Variants in HMCN2 observed in about 807,000 individuals in gnomAD.
The protein encoded by HMCN2 is hemicentin-2.
Under a neutral mutation model 377.5 loss-of-function variants are expected in HMCN2, and 325 were observed. The observed-to-expected ratio is 0.86, with a 90% CI of 0.79 to 0.94. The LOEUF is 0.94. Ranked by LOEUF, HMCN2 falls within the 40% of genes least tolerant of loss-of-function variation. The probability of loss-of-function intolerance (pLI) is 0.00; values close to 1 mark genes in which losing one functional copy is unlikely to be tolerated. For synonymous variants in HMCN2, 2,007 were observed against 2,046.8 expected (o/e 0.98, Z 0.53); for missense variants, 4,543 against 4,725.3 (o/e 0.96, Z 1.13).
intron 51 of HMCN2, among the ~76,000 whole-genome samples, chr9:130,376,271 G>A (rs1841371708): frequency 6.6e-6 from 1 of 152,124 alleles, no homozygotes. Flanking sequence ...TTGAGACTGG[G>A]GACCCCCAAG....
intron 59 of HMCN2, 134 bp from the exon 60 acceptor site, chr9:130,385,425 CT>C: frequency 2.2e-6 from 1 of 451,682 alleles, no homozygotes; most frequent in South Asian, 1.9e-5. Context: ...TCCACCTCCC[CT>C]GGGTCTGCGC....
intron 85 of HMCN2, among the ~76,000 whole-genome samples, chr9:130,411,598 C>CAAAAAA (rs35719589): frequency 3.1e-5 from 3 of 97,762 alleles, no homozygotes; most frequent in Non-Finnish European, 5.6e-5. Context: ...GACTCAATCT[C>CAAAAAA]AAAAAAAAAA....
At chr9:130,349,389 C>T in intron 28 of HMCN2, 148 bp from the exon 29 acceptor site, 1 of 984,310 alleles carries the variant, frequency 1.0e-6, no homozygotes. Context: ...AGAGCAAGCC[C>T]TTCTGGCCAG....
intron 48 of HMCN2, among the ~76,000 whole-genome samples, chr9:130,373,614 TG>T (rs1841176640): frequency 2.3e-5 from 2 of 88,452 alleles, no homozygotes; most frequent in African/African-American, 6.7e-5. Flanking sequence ...GGTGGATGGA[TG>T]GATGGATGGA....
chr9:130,373,321 C>G (rs919277483), intron 48 of HMCN2, among the ~76,000 whole-genome samples, 197 bp downstream of exon 48: 9 of 152,182 alleles, frequency 5.9e-5, no homozygotes, highest in Non-Finnish European at 1.3e-4. Flanking sequence ...TCCCTCTCCC[C>G]ACCTCACTAC....
intron 23 of HMCN2, 140 bp from the exon 24 acceptor site, chr9:130,340,971 A>G (rs1192541288): frequency 6.6e-6 from 1 of 152,252 alleles, no homozygotes; most frequent in African/African-American, 2.4e-5. Flanking sequence ...AGGTGTCCCA[A>G]CGTCTTTTCC....
rs1251860632 is a variant in HMCN2, at chr9:130,403,813, A to G, written c.12086A>G (p.Tyr4029Cys). 2 of 1,289,778 alleles carry G rather than the reference A, an allele frequency of 1.6e-6. No individual in the cohort carries two copies. The allele number at this position is 1,289,778 out of a possible 1,614,324, so 79.9% of individuals were successfully genotyped here. ...AHASPEDAGN[Y>C]LCIAKNSAGS... The stretch of plus-strand genomic sequence containing the variant: ...GCCAGCCCAGAGGATGCTGGAAACT[A>G]TCTCTGCATCGCTAAGAACAGTGCG... The change falls in exon 80 of 98, where the codon TAT (tyrosine) becomes TGT (cysteine). Residue 4029 changes from tyrosine to cysteine, a missense_variant. Physicochemically the swap from Tyr to Cys is radical, Grantham distance 194. Coordinates refer to ENST00000683500, the MANE Select transcript of HMCN2 (RefSeq NM_001291815.2).
intron 84 of HMCN2, among the ~76,000 whole-genome samples, chr9:130,409,631 G>A (rs1843307416): frequency 6.6e-6 from 1 of 152,198 alleles, no homozygotes; most frequent in Non-Finnish European, 1.5e-5. Flanking sequence ...CTGTGGGCCA[G>A]GCACGGGGCC....
At chr9:130,329,395 G>C (rs1838301810) in intron 22 of HMCN2, among the ~76,000 whole-genome samples, 1 of 150,926 alleles carries the variant, frequency 6.6e-6, no homozygotes, top group Non-Finnish European at 1.5e-5. Context: ...CAGTTGATGT[G>C]CACTGGGGCT....
rs776658240 is a variant in HMCN2 at position 130,355,748 on chromosome 9, C to T, written c.5149C>T (p.Pro1717Ser). The T allele has an allele frequency of 2.3e-6, 3 of 1,302,010 alleles. No individual in the cohort carries two copies. Among genetic ancestry groups the T allele is most frequent in the Non-Finnish European group, 3.0e-6 (3 of 987,806 alleles). The allele number at this position is 1,302,010 out of a possible 1,614,324, so 80.7% of individuals were successfully genotyped here. A position where few individuals can be genotyped will look rare whatever the true frequency, so the allele number is the denominator to read the frequency against. Residue 1717 changes from proline (P) to serine (S), a missense_variant and splice_region_variant, in exon 33 of 98, where the codon CCC becomes TCC. Pro to Ser is a moderately conservative substitution (Grantham distance 74, BLOSUM62 -1). Transcript: ENST00000683500. ...CCAGGAGTGTGTTCTGCCTGCAGTGCCCCCACAGCTCCTGGTGGCTGAAGG... is the reference window on the plus strand; with the variant it reads ...CCAGGAGTGTGTTCTGCCTGCAGTGTCCCCACAGCTCCTGGTGGCTGAAGG... Reference protein sequence around the residue: ...VLQYSVEVQVPPQLLVAEGLG... With the variant: ...VLQYSVEVQVSPQLLVAEGLG...
chr9:130,424,868 A>C lies in HMCN2; in HGVS notation c.13474A>C (p.Thr4492Pro). ...GGAAGCCCTGAATGGCCACTCTCTG[A>C]CTGGGGGCAGGTTCCGGCAGGAGTC... is the stretch of plus-strand genomic sequence containing the variant. ...SGEALNGHSL[T>P]GGRFRQESHV... Residue 4492 changes from threonine (T) to proline (P), a missense_variant, in exon 88 of 98, where the codon ACT becomes CCT. By Grantham distance (38) the Thr-to-Pro change is conservative (BLOSUM62 -1). Transcript: ENST00000683500. 6.8e-7 allele frequency: 1 copy of C among 1,467,190 alleles called. No homozygotes were observed. Among genetic ancestry groups the C allele is most frequent in the Non-Finnish European group, 9.1e-7 (1 of 1,104,142 alleles). 90.9% of individuals were successfully genotyped at this position (1,467,190 alleles called of 1,614,324 possible).
chr9:130,395,449 C>A, intron 71 of HMCN2, 102 bp downstream of exon 71: 1 of 1,029,156 alleles, frequency 9.7e-7, no homozygotes, highest in Non-Finnish European at 1.3e-6. Context: ...CAAGGGCCCG[C>A]TCTGAGCTGC....
chr9:130,363,724 GA>G (rs1431766356), intron 40 of HMCN2, among the ~76,000 whole-genome samples: 3 of 151,524 alleles, frequency 2.0e-5, no homozygotes, highest in Non-Finnish European at 4.4e-5. Flanking sequence ...TCGAAAGGCT[GA>G]AGCAGGAGAA....
intron 29 of HMCN2, among the ~76,000 whole-genome samples, chr9:130,350,390 A>C (rs895039215): frequency 7.0e-6 from 1 of 142,762 alleles, no homozygotes; most frequent in African/African-American, 2.6e-5. Context: ...AAAAAATACA[A>C]AAAAAAAAAA....
Position 130,365,886 on chromosome 9 carries a change from G to T in HMCN2, c.6516G>T (p.Val2172=). The T allele has an allele frequency of 1.0e-6, 1 of 985,770 alleles. No individual in the cohort carries two copies. The highest frequency in any genetic ancestry group is 1.2e-6 in the Non-Finnish European group (1 of 829,902). The allele number at this position is 985,770 out of a possible 1,614,324, so 61.1% of individuals were successfully genotyped here. ...TCTGCTCTGACTCAGTTGCTCCAGT[G>T]TTCCCCTTGAGGGAATCCCACACCC... is the stretch of plus-strand genomic sequence containing the variant. The part of the protein sequence containing the change: ...HYNLNVWVAP[V]FPLRESHTLT... Residue 2172 remains valine, a synonymous_variant, in exon 43 of 98, where the codon GTG becomes GTT. Transcript: ENST00000683500.
intron 22 of HMCN2, among the ~76,000 whole-genome samples, chr9:130,336,857 G>A (rs2131459766): frequency 6.6e-6 from 1 of 152,312 alleles, no homozygotes; most frequent in African/African-American, 2.4e-5. Context: ...TGCCCGCGAG[G>A]TGGGGGCTAT....
chr9:130,425,117 ATCT>A lies in HMCN2; in HGVS notation c.13631_13633del (p.Leu4544del). On this transcript the variant is annotated inframe_deletion, in exon 89 of 98. Transcript: ENST00000683500. ...GTCCCCGAGAGCCTGGCTGACGCAGATCTTCAAGTGCAGGTCGGGGGTCAAGCC... is the reference window on the plus strand; with the variant it reads ...GTCCCCGAGAGCCTGGCTGACGCAGATCAAGTGCAGGTCGGGGGTCAAGCC... 6.5e-7 allele frequency: 1 copy of A among 1,549,182 alleles called. No homozygotes were observed. The highest frequency in any genetic ancestry group is 8.7e-7 in the Non-Finnish European group (1 of 1,146,480).
At chr9:130,307,760 G>A (rs1324983122) in intron 14 of HMCN2, among the ~76,000 whole-genome samples, 194 bp downstream of exon 14, 4 of 152,018 alleles carry the variant, frequency 2.6e-5, no homozygotes, top group African/African-American at 4.8e-5. Context: ...TGTTGACACA[G>A]CTCATGTAGG....
At chr9:130,374,473 A>T in intron 48 of HMCN2, 29 bp from the exon 49 acceptor site, 1 of 984,512 alleles carries the variant, frequency 1.0e-6, no homozygotes, top group South Asian at 4.7e-5. Flanking sequence ...AAGCCTGCCA[A>T]ATTGTCTCAT....
Sources: gnomAD v4.1 joint callset for allele counts (sites outside exome capture counted in the v4.1 genomes callset) on GRCh38, gnomAD v4.1.1 for gene constraint, MANE v1.5 for transcripts, NCBI Gene and HGNC (gene_info 2026-07-23, HGNC 2026-07-21) for gene names.